The following TCF12 variants were observed in gnomAD, a reference collection of about 807,000 sequenced individuals.
The protein encoded by TCF12 is transcription factor 12.
TCF12 carries 45 observed loss-of-function variants against 86.0 expected under a neutral mutation model. That is an observed-to-expected ratio of 0.52 (90% CI 0.41 to 0.67). The LOEUF (loss-of-function observed/expected upper bound fraction) is 0.67. TCF12 is among the 30% of genes least tolerant of loss of function. The pLI, the probability that TCF12 is intolerant of heterozygous loss-of-function variation, is 0.00. For synonymous variants in TCF12, 330 were observed against 299.6 expected (o/e 1.10, Z -1.05); for missense variants, 881 against 859.9 (o/e 1.02, Z -0.31).
At chr15:56,941,396 G>A (rs2060767591) in intron 3 of TCF12, among the ~76,000 whole-genome samples, 1 of 150,372 alleles carries the variant, frequency 6.7e-6, no homozygotes, top group Non-Finnish European at 1.5e-5. Flanking sequence ...TTTTGAGATG[G>A]AGTTTTGCTG....
intron 3 of TCF12, among the ~76,000 whole-genome samples, chr15:56,923,830 C>T (rs1483326432): frequency 6.6e-6 from 1 of 151,938 alleles, no homozygotes; most frequent in Non-Finnish European, 1.5e-5. Context: ...GAGCATCTCT[C>T]TGGTGTTTCT....
chr15:56,919,152 C>G (rs1352820316), intron 1 of TCF12: 8 of 151,568 alleles, frequency 5.3e-5, no homozygotes, highest in Admixed American at 2.6e-4. Context: ...GTGCCCGACT[C>G]GGGCCGGCGC....
intron 18 of TCF12, among the ~76,000 whole-genome samples, chr15:57,265,354 G>A (rs1295958671): frequency 2.0e-5 from 3 of 152,014 alleles, no homozygotes; most frequent in Non-Finnish European, 4.4e-5. Flanking sequence ...ATTAGGTTGA[G>A]TAATGTGTCT....
intron 4 of TCF12, among the ~76,000 whole-genome samples, chr15:57,082,957 A>C (rs1306299453): frequency 6.6e-6 from 1 of 152,184 alleles, no homozygotes; most frequent in Non-Finnish European, 1.5e-5. Flanking sequence ...TATGTTTATA[A>C]ATAGAGTATT....
chr15:57,013,317 A>AT (rs1278911838), intron 3 of TCF12, among the ~76,000 whole-genome samples: 1 of 152,034 alleles, frequency 6.6e-6, no homozygotes, highest in South Asian at 2.1e-4. Context: ...CAATTGAAGC[A>AT]TTTTTTCCTT....
intron 3 of TCF12, among the ~76,000 whole-genome samples, chr15:56,983,666 T>A (rs1441727282): frequency 1.3e-5 from 2 of 152,058 alleles, no homozygotes; most frequent in Non-Finnish European, 2.9e-5. Flanking sequence ...TCAAATAAGT[T>A]ATGTAAAACT....
At chr15:57,151,555 A>T (rs1453434842) in intron 5 of TCF12, among the ~76,000 whole-genome samples, 6 of 152,106 alleles carry the variant, frequency 3.9e-5, no homozygotes, top group African/African-American at 1.4e-4. Context: ...TCATGAGATC[A>T]AGAGATCGAG....
At chr15:56,963,599 G>T (rs775347636) in intron 3 of TCF12, among the ~76,000 whole-genome samples, 5 of 152,180 alleles carry the variant, frequency 3.3e-5, no homozygotes, top group Non-Finnish European at 7.4e-5. Context: ...GATTAAGTTT[G>T]ATTTGGACTC....
intron 4 of TCF12, among the ~76,000 whole-genome samples, chr15:57,076,176 G>A (rs1006697247): frequency 1.3e-5 from 2 of 151,884 alleles, no homozygotes; most frequent in African/African-American, 4.8e-5. Context: ...TTTCTAATGT[G>A]TAAAACAAAA....
At chr15:57,132,542 A>G (rs1401420877) in intron 5 of TCF12, among the ~76,000 whole-genome samples, 1 of 152,164 alleles carries the variant, frequency 6.6e-6, no homozygotes, top group African/African-American at 2.4e-5. Flanking sequence ...CTGATGATTG[A>G]TGTTCCTAAT....
At position 57,255,457 on chromosome 15, in the gene TCF12, C is replaced by T. The variant is rs113982170; in HGVS notation, c.1467+1989C>T. On this transcript the variant is annotated intron_variant, in intron 16 of 20. Transcript: ENST00000333725. Reference sequence around the variant, plus strand: ...TTCAGAACAACAACAGAAGGTCTGCCAGAGGTATTTTTTTGTTGTTGTTTT... The same window carrying T: ...TTCAGAACAACAACAGAAGGTCTGCTAGAGGTATTTTTTTGTTGTTGTTTT... 8.9e-4 allele frequency among the ~76,000 whole-genome samples: 135 copies of T among 152,186 alleles called. 4 individuals carry two copies. Among genetic ancestry groups the T allele is most frequent in the African/African-American group, 3.2e-3 (133 of 41,538 alleles).
chr15:56,961,040 T>C (rs1223387910), intron 3 of TCF12, among the ~76,000 whole-genome samples: 4 of 149,404 alleles, frequency 2.7e-5, no homozygotes, highest in South Asian at 2.1e-4. Context: ...CTTGGGAGGC[T>C]GAGGCAGGAG....
chr15:56,930,307 C>T (rs1375311214), intron 3 of TCF12, among the ~76,000 whole-genome samples: 1 of 152,180 alleles, frequency 6.6e-6, no homozygotes, highest in Non-Finnish European at 1.5e-5. Context: ...ATGCTAGGCT[C>T]ACTTTAAACA....
intron 12 of TCF12, among the ~76,000 whole-genome samples, chr15:57,236,626 C>T (rs1452619191): frequency 6.6e-6 from 1 of 152,064 alleles, no homozygotes; most frequent in Non-Finnish European, 1.5e-5. Flanking sequence ...AGGGTACAAC[C>T]TTTGTTCTTC....
intron 3 of TCF12, among the ~76,000 whole-genome samples, chr15:56,926,312 C>CA (rs10648785): frequency 0.39 from 49,349 of 127,124 alleles, 8,162 homozygotes; most frequent in East Asian, 0.51. Context: ...GACTCTGTCT[C>CA]AAAAAAAAAA....
At chr15:57,017,469 T>G (rs1481218520) in intron 3 of TCF12, among the ~76,000 whole-genome samples, 1 of 152,248 alleles carries the variant, frequency 6.6e-6, no homozygotes, top group African/African-American at 2.4e-5. Flanking sequence ...AATTGGGTAG[T>G]TGCAACAGAA....
At chr15:57,172,133 C>T (rs1265375198) in intron 6 of TCF12, among the ~76,000 whole-genome samples, 5 of 152,052 alleles carry the variant, frequency 3.3e-5, no homozygotes, top group African/African-American at 9.7e-5. Flanking sequence ...TACCCAATCT[C>T]ATATGCAGAC....
At chr15:56,997,211 A>G (rs1002047458) in intron 3 of TCF12, among the ~76,000 whole-genome samples, 1 of 152,248 alleles carries the variant, frequency 6.6e-6, no homozygotes, top group Non-Finnish European at 1.5e-5. Flanking sequence ...GAGCAAAGAC[A>G]TGGAATCAAC....
intron 3 of TCF12, among the ~76,000 whole-genome samples, chr15:57,007,847 T>C (rs1487107683): frequency 1.2e-5 from 1 of 85,572 alleles, no homozygotes; most frequent in Non-Finnish European, 2.4e-5. Context: ...TTTCTCTCTT[T>C]CCCTCCCTTC....
Sources: gnomAD v4.1 joint callset for allele counts (sites outside exome capture counted in the v4.1 genomes callset) on GRCh38, gnomAD v4.1.1 for gene constraint, MANE v1.5 for transcripts, NCBI Gene and HGNC (gene_info 2026-07-23, HGNC 2026-07-21) for gene names.